The following MCM3AP variants were observed in gnomAD, a reference collection of about 807,000 sequenced individuals.
MCM3AP encodes minichromosome maintenance complex component 3 associated protein, also known as germinal-center associated nuclear protein.
MCM3AP carries 126 observed loss-of-function variants against 184.1 expected under a neutral mutation model. The ratio of observed to expected loss-of-function variants is 0.68; its 90% CI spans 0.59 to 0.79. The LOEUF is 0.79. Among genes scored for constraint, MCM3AP ranks in the 30% least tolerant of loss-of-function variants. MCM3AP has a pLI of 0.00. For missense variants in MCM3AP, 2,496 were observed against 2,479.2 expected, an observed-to-expected ratio of 1.01 and a Z score of -0.14; for synonymous variants, 1,002 against 979.3, an observed-to-expected ratio of 1.02 and a Z score of -0.43.
At chr21:46,241,134 A>T (rs993751826) in intron 25 of MCM3AP, 117 bp from the exon 26 acceptor site, 1 of 759,448 alleles carries the variant, frequency 1.3e-6, no homozygotes, top group African/African-American at 1.7e-5. Flanking sequence ...TGTGCCTCAG[A>T]CACATGTGCC....
At position 46,240,932 on chromosome 21, in the gene MCM3AP, C is replaced by A; in HGVS notation, c.5512G>T (p.Glu1838Ter). ...GGAATCCTCCCCTCTTGAGCACACT[C>A]TGTGCTCCTCTTCCAGTTACGGTGC... Reference protein sequence around the residue: ...HMHRNWKRSTECAQEGRIPST... With the variant: ...HMHRNWKRST The change falls in exon 26 of 28, where the codon GAG becomes TAG. Residue 1838 changes from glutamate to a stop codon, truncating the protein, a stop_gained. Transcript: ENST00000291688. LOFTEE classifies it high-confidence loss of function. The A allele has an allele frequency of 6.2e-7, 1 of 1,613,180 alleles. No homozygotes were observed. Among genetic ancestry groups the A allele is most frequent in the African/African-American group, 1.3e-5 (1 of 75,042 alleles).
rs745812054 is a variant in MCM3AP, at chr21:46,265,484, G to A, written c.3071C>T (p.Ala1024Val). The A allele has an allele frequency of 1.4e-5, 22 of 1,594,632 alleles. No individual in the cohort carries two copies. The highest frequency in any genetic ancestry group is 1.7e-5 in the Admixed American group (1 of 58,472). ...RGEECGVEPD[A>V]PLSSLPQSLP... ...AGACTGTGGGAGACTGGACAGGGGT[G>A]CATCCGGCTCTACACCACACTCCTC... The change falls in exon 12 of 28, where the codon GCA (alanine) becomes GTA (valine). Residue 1024 changes from alanine (A) to valine (V), a missense_variant. Transcript: ENST00000291688.
At chr21:46,258,733 T>TTGTGTGTGTGTGTGTGTGTGTG (rs1197167264) in intron 16 of MCM3AP, among the ~76,000 whole-genome samples, 1 of 72,320 alleles carries the variant, frequency 1.4e-5, no homozygotes, top group South Asian at 4.1e-4. Flanking sequence ...TCCCCTTATA[T>TTGTGTGTGTGTGTGTGTGTGTG]TGTATGTGTG....
chr21:46,239,011 C>T (rs2080599216), intron 26 of MCM3AP, among the ~76,000 whole-genome samples: 1 of 152,188 alleles, frequency 6.6e-6, no homozygotes, highest in Non-Finnish European at 1.5e-5. Flanking sequence ...CAGGGCCTAA[C>T]AGAAGCAGAC....
At chr21:46,264,042 G>T in intron 13 of MCM3AP, 75 bp downstream of exon 13, 2 of 997,052 alleles carry the variant, frequency 2.0e-6, no homozygotes, top group Non-Finnish European at 3.1e-6. Flanking sequence ...GCAACTTTAT[G>T]AGAGGAAACT....
At position 46,241,000 on chromosome 21, in the gene MCM3AP, A is replaced by G. The variant is rs1304534193; in HGVS notation, c.5444T>C (p.Phe1815Ser). The stretch of plus-strand genomic sequence containing the variant: ...GGGAAAATTGTTTGCAGAAGGATGA[A>G]AAGGCTTTATTGCCAAACTGTAAGT... ...LREGRLAIKP[F>S]HPSANNFPIP... Residue 1815 changes from phenylalanine (F) to serine (S), a missense_variant, in exon 26 of 28, where the codon TTT becomes TCT. Physicochemically the swap from Phe to Ser is radical, Grantham distance 155. Transcript: ENST00000291688. 3 of 1,613,314 alleles carry G rather than the reference A, an allele frequency of 1.9e-6. No homozygotes were observed. The African/African-American group carries it at 4.0e-5, about 22-fold the overall frequency.
chr21:46,242,440 A>G (rs1330568551), intron 25 of MCM3AP: 1 of 158,134 alleles, frequency 6.3e-6, no homozygotes, highest in African/African-American at 2.4e-5. Context: ...TTATTTTTCT[A>G]TTATGGCAAC....
chr21:46,265,926 C>G lies in MCM3AP; in HGVS notation c.3030G>C (p.Val1010=). ...VSTQRPGSDT[V]GGGRGEECGV... ...CACTACGACTGCAGCTTCACTCACC[C>G]ACTGTGTCGGAGCCGGGTCTCTGGG... Residue 1010 remains valine (V), a splice_region_variant and synonymous_variant, in exon 11 of 28, where the codon GTG becomes GTC. Transcript: ENST00000291688. 2 of 1,565,102 alleles carry G rather than the reference C, an allele frequency of 1.3e-6. No homozygotes were observed. The highest frequency in any genetic ancestry group is 1.7e-6 in the Non-Finnish European group (2 of 1,150,704).
chr21:46,270,538 CA>C lies in MCM3AP; in HGVS notation c.2490del (p.Val831LeufsTer7). ...AATTTCACCTCAGATGAGTTTCTAACAGCAGGATGGAACTGTTGTACTTCTC... is the reference window on the plus strand; with the variant it reads ...AATTTCACCTCAGATGAGTTTCTAACGCAGGATGGAACTGTTGTACTTCTC... ...ILREVQQFHP[A>X]VRNSSEVKFA... On this transcript the variant is annotated frameshift_variant, in exon 9 of 28. Coordinates refer to ENST00000291688, the MANE Select transcript of MCM3AP (RefSeq NM_003906.5). LOFTEE classifies it high-confidence loss of function. 1 of 1,612,874 alleles carries C rather than the reference CA, an allele frequency of 6.2e-7. No homozygotes were observed. The highest frequency in any genetic ancestry group is 8.5e-7 in the Non-Finnish European group (1 of 1,179,486).
Position 46,242,846 on chromosome 21 carries a change from T to A in MCM3AP, c.5382A>T (p.Gln1794His). The change falls in exon 25 of 28, where the codon CAA (glutamine) becomes CAT (histidine). Residue 1794 changes from glutamine (Q) to histidine (H), a missense_variant. Physicochemically the swap from Gln to His is conservative, Grantham distance 24 (BLOSUM62 0). This residue lies in a region of MCM3AP where 1,323 missense variants were observed against 1,273.4 expected (regional missense o/e 1.04). Coordinates refer to ENST00000291688, the MANE Select transcript of MCM3AP (RefSeq NM_003906.5). ...KKYDVPLSWE[Q>H]ARLQTQKELQ... is the part of the protein sequence containing the mutation. Reference sequence around the variant, plus strand: ...GCTCCTTCTGCGTCTGCAACCTGGCTTGTTCCCACGACAAAGGAACATCAT... The same window carrying A: ...GCTCCTTCTGCGTCTGCAACCTGGCATGTTCCCACGACAAAGGAACATCAT... The A allele has an allele frequency of 6.2e-7, 1 of 1,613,572 alleles. No homozygotes were observed.
chr21:46,251,285 T>C, intron 20 of MCM3AP: 1 of 339,942 alleles, frequency 2.9e-6, no homozygotes, highest in East Asian at 4.3e-5. Flanking sequence ...GGAAATCCAA[T>C]ATATAGTATT....
Position 46,263,693 on chromosome 21 carries a change from T to C in MCM3AP, c.3335+424A>G, listed in dbSNP as rs553595884. 2.9e-5 allele frequency among the ~76,000 whole-genome samples: 4 copies of C among 139,090 alleles called. No individual in the cohort carries two copies. In the South Asian group the frequency reaches 6.7e-4, roughly 23 times the overall value. The allele number at this position is 139,090 out of a possible 152,430, so 91.2% of individuals were successfully genotyped here. A position where few individuals can be genotyped will look rare whatever the true frequency, so the allele number is the denominator to read the frequency against. On this transcript the variant is annotated intron_variant, in intron 13 of 27. Coordinates refer to ENST00000291688, the MANE Select transcript of MCM3AP (RefSeq NM_003906.5). ...TACTCGGGAAGCTGAGGCAGAAGAA[T>C]TGCTTGAACCCAGGAGGTGGAGGTT...
At position 46,263,987 on chromosome 21, in the gene MCM3AP, C is replaced by T. The variant is rs1016439093; in HGVS notation, c.3335+130G>A. 3.9e-5 allele frequency: 22 copies of T among 568,778 alleles called. No homozygotes were observed. The African/African-American group carries it at 4.1e-4, about 11-fold the overall frequency. 35.2% of individuals were successfully genotyped at this position (568,778 alleles called of 1,614,324 possible). A position where few individuals can be genotyped will look rare whatever the true frequency, so the allele number is the denominator to read the frequency against. ...AATGTAGGGGAAAATCTTCCTGACA[C>T]TGTATCTGGCAATAACTTATTGGAT... On this transcript the variant is annotated intron_variant, in intron 13 of 27. Coordinates refer to ENST00000291688, the MANE Select transcript of MCM3AP (RefSeq NM_003906.5).
chr21:46,271,496 TTTTA>T (rs2081179290), intron 8 of MCM3AP, among the ~76,000 whole-genome samples: 1 of 152,084 alleles, frequency 6.6e-6, no homozygotes, highest in Non-Finnish European at 1.5e-5. Flanking sequence ...ACCTGGTTAA[TTTTA>T]TTTATTTATT....
intron 20 of MCM3AP, chr21:46,249,507 C>T: frequency 2.3e-6 from 1 of 431,908 alleles, no homozygotes; most frequent in Admixed American, 2.7e-5. Context: ...AATTTTCTAC[C>T]TATAATTTTA....
chr21:46,279,363 T>C (rs1025768893), intron 4 of MCM3AP, among the ~76,000 whole-genome samples: 6 of 152,382 alleles, frequency 3.9e-5, no homozygotes, highest in African/African-American at 1.2e-4. Flanking sequence ...TACATTTATA[T>C]GTCAAGTGGA....
chr21:46,241,447 G>A (rs1351822168), intron 25 of MCM3AP: 1 of 157,076 alleles, frequency 6.4e-6, no homozygotes, highest in Non-Finnish European at 1.4e-5. Context: ...TGGTGAGAGA[G>A]AAGGCATCTG....
In MCM3AP at chr21:46,262,965, C is replaced by CAA. The variant is rs34666984; in HGVS notation, c.3335+1150_3335+1151dup. 7.6e-3 allele frequency among the ~76,000 whole-genome samples: 346 copies of CAA among 45,376 alleles called. 3 individuals carry two copies. Among genetic ancestry groups the CAA allele is most frequent in the East Asian group, 0.013 (16 of 1,186 alleles). 29.8% of individuals were successfully genotyped at this position (45,376 alleles called of 152,430 possible). A position where few individuals can be genotyped will look rare whatever the true frequency, so the allele number is the denominator to read the frequency against. On this transcript the variant is annotated intron_variant, in intron 13 of 27. Coordinates refer to ENST00000291688, the MANE Select transcript of MCM3AP (RefSeq NM_003906.5). ...CCTGGGCGACAGGGAGACTCCGTCT[C>CAA]AAAAAAAAAAAAAAAAAAAAAAAGA...
chr21:46,267,085 A>ATCGCTGTGTGC lies in MCM3AP; in HGVS notation c.2675_2685dup (p.Ser896AlafsTer43). On this transcript the variant is annotated frameshift_variant, in exon 10 of 28. Coordinates refer to ENST00000291688, the MANE Select transcript of MCM3AP (RefSeq NM_003906.5). LOFTEE classifies it high-confidence loss of function. ...ACACCATCCAGGGGAAAGATGGTAG[A>ATCGCTGTGTGC]TCGCTGTGTGCTCACCGTGTACGCA... The ATCGCTGTGTGC allele has an allele frequency of 6.2e-7, 1 of 1,614,122 alleles. No individual in the cohort carries two copies. The highest frequency in any genetic ancestry group is 1.1e-5 in the South Asian group (1 of 91,068).
Sources: gnomAD v4.1 joint callset for allele counts (sites outside exome capture counted in the v4.1 genomes callset) on GRCh38, gnomAD v4.1.1 for gene constraint, gnomAD v4.1.1 regional missense constraint, MANE v1.5 for transcripts, NCBI Gene and HGNC (gene_info 2026-07-23, HGNC 2026-07-21) for gene names.